PHF24: variants seen among roughly 807,000 people sequenced by gnomAD.
PHF24 encodes the protein Galpha inhibitory interacting protein.
PHF24 carries 25 observed loss-of-function variants against 42.6 expected under a neutral mutation model. That is an observed-to-expected ratio of 0.59 (90% CI 0.43 to 0.82). The LOEUF (loss-of-function observed/expected upper bound fraction) is 0.82, where lower values mean the gene tolerates loss of function less well. PHF24 is among the 40% of genes least tolerant of loss of function. The pLI is 0.00. For missense variants in PHF24, 470 were observed against 538.1 expected (o/e 0.87, Z 1.25); for synonymous variants, 185 against 204.8 (o/e 0.90, Z 0.83).
the PHF24 span, among the ~76,000 whole-genome samples, chr9:34,747,180 T>G: frequency 1.3e-5 from 2 of 151,980 alleles, no homozygotes; most frequent in South Asian, 4.2e-4. Context: ...GACTGTGGGT[T>G]GGGGGGTGGG....
the PHF24 span, among the ~76,000 whole-genome samples, chr9:34,847,891 C>A: frequency 7.2e-5 from 11 of 152,138 alleles, no homozygotes; most frequent in Non-Finnish European, 1.6e-4. Context: ...TGTTTATATG[C>A]TGGATTACAT....
At chr9:34,793,498 T>C in the PHF24 span, among the ~76,000 whole-genome samples, 1 of 152,080 alleles carries the variant, frequency 6.6e-6, no homozygotes, top group Admixed American at 6.5e-5. Context: ...ACAGAAAACA[T>C]AGAAGCCTCT....
chr9:34,709,844 G>A, the PHF24 span: 1 of 1,614,232 alleles, frequency 6.2e-7, no homozygotes, highest in Non-Finnish European at 8.5e-7. Context: ...ACCTTGGCGG[G>A]AATCTTCCTT....
the PHF24 span, among the ~76,000 whole-genome samples, chr9:34,809,046 A>AAAT: frequency 2.2e-4 from 28 of 129,248 alleles, no homozygotes; most frequent in South Asian, 4.5e-4. This position sits in a 1 kb window ranked among gnomAD's most constrained non-coding sequence, Gnocchi z 4.1. Context: ...ATAAAAAAAA[A>AAAT]AAATAATAAA....
chr9:34,913,824 C>T, the PHF24 span, among the ~76,000 whole-genome samples: 1 of 152,122 alleles, frequency 6.6e-6, no homozygotes, highest in African/African-American at 2.4e-5. Context: ...TTAGCTGTGC[C>T]TGGTCCAGGT....
the PHF24 span, chr9:34,834,953 C>A: frequency 4.1e-6 from 6 of 1,446,958 alleles, no homozygotes; most frequent in Middle Eastern, 1.8e-4. Flanking sequence ...GCCTTGAGAT[C>A]CCATGAAAGT....
At chr9:34,911,578 G>C in the PHF24 span, among the ~76,000 whole-genome samples, 15 of 152,292 alleles carry the variant, frequency 9.8e-5, no homozygotes, top group Admixed American at 1.3e-4. Context: ...ATGGCCATTA[G>C]GTACCATGGA....
chr9:34,797,879 C>T, the PHF24 span, among the ~76,000 whole-genome samples: 1 of 151,834 alleles, frequency 6.6e-6, no homozygotes, highest in Non-Finnish European at 1.5e-5. Flanking sequence ...CCCAGCACTT[C>T]CCTTCCCACA....
the PHF24 span, among the ~76,000 whole-genome samples, chr9:34,667,553 C>T: frequency 1.3e-5 from 2 of 152,202 alleles, no homozygotes; most frequent in African/African-American, 4.8e-5. Context: ...CCTTCTGGTC[C>T]TTGGTTCCCC....
chr9:34,912,561 A>G, the PHF24 span, among the ~76,000 whole-genome samples: 1 of 152,348 alleles, frequency 6.6e-6, no homozygotes, highest in African/African-American at 2.4e-5. Context: ...CCGAACTGCC[A>G]TATAGCCCAT....
At chr9:34,724,423 T>C in the PHF24 span, 4 of 1,551,102 alleles carry the variant, frequency 2.6e-6, no homozygotes, top group Non-Finnish European at 3.5e-6. Flanking sequence ...CCTGGAGCAA[T>C]GTCTCCCCTT....
the PHF24 span, among the ~76,000 whole-genome samples, chr9:34,864,331 AAGACTTCCTCAAGGC>A: frequency 6.6e-6 from 1 of 152,212 alleles, no homozygotes; most frequent in East Asian, 1.9e-4. Context: ...TAACCCAAAG[AAGACTTCCTCAAGGC>A]ATCTAATGAA....
the PHF24 span, chr9:34,917,563 C>T: frequency 1.3e-6 from 1 of 776,686 alleles, no homozygotes; most frequent in Non-Finnish European, 2.4e-6. Context: ...ACCAGCACCC[C>T]TGGTTTGGCA....
chr9:34,950,166 G>T, the PHF24 span, among the ~76,000 whole-genome samples: 1 of 151,894 alleles, frequency 6.6e-6, no homozygotes, highest in Non-Finnish European at 1.5e-5. Flanking sequence ...TTGGTCACAT[G>T]GTGAAACCCC....
At chr9:34,812,709 G>T in the PHF24 span, among the ~76,000 whole-genome samples, 1 of 152,184 alleles carries the variant, frequency 6.6e-6, no homozygotes, top group African/African-American at 2.4e-5. Context: ...TAAAGAAAGG[G>T]TGCTGACGCT....
chr9:34,901,255 G>A, the PHF24 span, among the ~76,000 whole-genome samples: 1 of 152,250 alleles, frequency 6.6e-6, no homozygotes, highest in South Asian at 2.1e-4. Flanking sequence ...TTGAAGCCAG[G>A]ATTGCCTTGA....
upstream of PHF24, among the ~76,000 whole-genome samples, chr9:34,954,449 T>G (rs1826325051): frequency 6.6e-6 from 1 of 152,198 alleles, no homozygotes; most frequent in Non-Finnish European, 1.5e-5. Context: ...ACTGAAGCCA[T>G]TCACAACAAA....
intron 1 of PHF24, among the ~76,000 whole-genome samples, chr9:34,959,654 ACAGAATCCC>A (rs959044638): frequency 1.4e-4 from 21 of 152,200 alleles, no homozygotes; most frequent in African/African-American, 5.1e-4. Context: ...ACTGATTTCC[ACAGAATCCC>A]CAGATTTCAG....
chr9:34,794,122 C>T, the PHF24 span, among the ~76,000 whole-genome samples: 1 of 152,068 alleles, frequency 6.6e-6, no homozygotes, highest in Non-Finnish European at 1.5e-5. Flanking sequence ...AGTGTACATG[C>T]ATTGATCTGA....
Sources: gnomAD v4.1 joint callset for allele counts (sites outside exome capture counted in the v4.1 genomes callset) on GRCh38, gnomAD v4.1.1 for gene constraint, Gnocchi (gnomAD v3.1) non-coding constraint, MANE v1.5 for transcripts, NCBI Gene and HGNC (gene_info 2026-07-23, HGNC 2026-07-21) for gene names.